Variants in CEBPZ observed in about 807,000 individuals in gnomAD.
The protein encoded by CEBPZ is CCAAT/enhancer-binding protein zeta.
A neutral mutation model predicts 104.5 loss-of-function variants in CEBPZ; 78 were observed. The ratio of observed to expected loss-of-function variants is 0.75; its 90% CI spans 0.62 to 0.90. The LOEUF (loss-of-function observed/expected upper bound fraction) is 0.90. Among genes scored for constraint, CEBPZ ranks in the 40% least tolerant of loss-of-function variants. CEBPZ has a pLI of 0.00. For missense variants in CEBPZ, 1,439 were observed against 1,233.5 expected, an observed-to-expected ratio of 1.17 and a Z score of -2.50; for synonymous variants, 470 against 427.0, an observed-to-expected ratio of 1.10 and a Z score of -1.24.
At chr2:37,223,680 A>G (rs1247936499) in intron 2 of CEBPZ, among the ~76,000 whole-genome samples, 2 of 152,210 alleles carry the variant, frequency 1.3e-5, no homozygotes, top group African/African-American at 4.8e-5. Flanking sequence ...TTTCTATATC[A>G]ACAGGGCACA....
rs766793208 is a variant in CEBPZ, at chr2:37,228,376, C to A, written c.817G>T (p.Val273Phe). ...TGCTGTTTGCTGCCCTTCTTTTTAA[C>A]AAGGTTCACAAGAGTTTCTACAAAC... ...LQFVETLVNLVKKKGSKQQCL... is the reference protein window; with the variant it reads ...LQFVETLVNLFKKKGSKQQCL... The change falls in exon 2 of 16, where the codon GTT (valine) becomes TTT (phenylalanine). Residue 273 changes from valine (V) to phenylalanine (F), a missense_variant. Coordinates refer to ENST00000234170, the MANE Select transcript of CEBPZ (RefSeq NM_005760.3). 1 of 1,614,194 alleles carries A rather than the reference C, an allele frequency of 6.2e-7. No individual in the cohort carries two copies. Among genetic ancestry groups the A allele is most frequent in the Non-Finnish European group, 8.5e-7 (1 of 1,180,030 alleles).
rs756155209 is a variant in CEBPZ at position 37,228,484 on chromosome 2, C to T, written c.709G>A (p.Ala237Thr). The T allele has an allele frequency of 6.2e-7, 1 of 1,614,216 alleles. No individual in the cohort carries two copies. The highest frequency in any genetic ancestry group is 8.5e-7 in the Non-Finnish European group (1 of 1,180,040). Residue 237 changes from alanine (A) to threonine (T), a missense_variant, in exon 2 of 16, where the codon GCA becomes ACA. Ala to Thr is a moderately conservative substitution (Grantham distance 58). Coordinates refer to ENST00000234170, the MANE Select transcript of CEBPZ (RefSeq NM_005760.3). ...CCTAGTGTCCCCGATGACACAATTG[C>T]CTTCATCCAGGTAGAAGAGGCTCCC... The part of the protein sequence containing the change: ...QKGASSTWMK[A>T]IVSSGTLGDR...
chr2:37,228,449 C>T lies in CEBPZ; in HGVS notation c.744G>A (p.Met248Ile), dbSNP rs746525531. 5 of 1,614,052 alleles carry T rather than the reference C, an allele frequency of 3.1e-6. No homozygotes were observed. In the African/African-American group the frequency reaches 6.7e-5, roughly 22 times the overall value. The part of the protein sequence containing the change: ...IVSSGTLGDR[M>I]AAMILLIQDD... Reference sequence around the variant, plus strand: ...CCTGAATAAGAAGAATCATGGCTGCCATCCTGTCACCTAGTGTCCCCGATG... The same window carrying T: ...CCTGAATAAGAAGAATCATGGCTGCTATCCTGTCACCTAGTGTCCCCGATG... Residue 248 changes from methionine (M) to isoleucine (I), a missense_variant, in exon 2 of 16, where the codon ATG (methionine) becomes ATA (isoleucine). Transcript: ENST00000234170.
chr2:37,221,389 A>G (rs1252629898), intron 4 of CEBPZ, among the ~76,000 whole-genome samples: 1 of 152,200 alleles, frequency 6.6e-6, no homozygotes, highest in Non-Finnish European at 1.5e-5. Flanking sequence ...AAAGGTGCCC[A>G]TTTTGGGGCC....
At chr2:37,221,641 C>T (rs1297187864) in intron 4 of CEBPZ, among the ~76,000 whole-genome samples, 1 of 152,238 alleles carries the variant, frequency 6.6e-6, no homozygotes, top group Admixed American at 6.5e-5. Flanking sequence ...CTTCATCCTT[C>T]TAAAGGATTA....
intron 6 of CEBPZ, 98 bp from the exon 7 acceptor site, chr2:37,216,516 T>C: frequency 6.0e-6 from 5 of 837,214 alleles, no homozygotes; most frequent in Middle Eastern, 7.1e-4. Flanking sequence ...TTACACTGTA[T>C]TGAAGATACA....
At position 37,227,838 on chromosome 2, in the gene CEBPZ, T is replaced by C. The variant is rs142818973; in HGVS notation, c.1355A>G (p.His452Arg). The change falls in exon 2 of 16, where the codon CAT (histidine) becomes CGT (arginine). Residue 452 changes from histidine (H) to arginine (R), a missense_variant. By Grantham distance (29) the His-to-Arg change is conservative. Transcript: ENST00000234170. ...TTTGTTAGCCAATTCACTTTCTTCA[T>C]GGGACAGAGCCATTTGATTTAAAAA... ...ICFLNQMALS[H>R]EESELANKLI... 2.1e-3 allele frequency: 3,460 copies of C among 1,614,144 alleles called. 9 individuals are homozygous for C. Among genetic ancestry groups the C allele is most frequent in the Non-Finnish European group, 1.7e-3 (2,051 of 1,180,048 alleles).
Position 37,216,170 on chromosome 2 carries a change from GT to G in CEBPZ, c.2349del (p.Lys783AsnfsTer12). 6.2e-7 allele frequency: 1 copy of G among 1,612,974 alleles called. No individual in the cohort carries two copies. ...AGATGACGAATATCCTTAATAAAAT[GT>G]TTTCTTTTCGGCTGCATCACAACAC... ...TDSVVMQPKR[K>X]HFIKDIRHLP... is the part of the protein sequence containing the mutation. On this transcript the variant is annotated frameshift_variant, in exon 8 of 16. Coordinates refer to ENST00000234170, the MANE Select transcript of CEBPZ (RefSeq NM_005760.3). LOFTEE classifies it high-confidence loss of function.
chr2:37,211,974 T>C lies in CEBPZ; in HGVS notation c.2669A>G (p.Asp890Gly), dbSNP rs188301757. The change falls in exon 12 of 16, where the codon GAT becomes GGT. Residue 890 changes from aspartate (D) to glycine (G), a missense_variant. Asp to Gly is a moderately conservative substitution (Grantham distance 94). Coordinates refer to ENST00000234170, the MANE Select transcript of CEBPZ (RefSeq NM_005760.3). Reference sequence around the variant, plus strand: ...GTCATCCAGGTTACCAAGTTCATCATCACTACCTTCTGAATCTTCATCTAA... The same window carrying C: ...GTCATCCAGGTTACCAAGTTCATCACCACTACCTTCTGAATCTTCATCTAA... ...NTLDEDSEGSDDELGNLDDDE... is the reference protein window; with the variant it reads ...NTLDEDSEGSGDELGNLDDDE... The C allele has an allele frequency of 1.2e-6, 2 of 1,613,248 alleles. No homozygotes were observed. Among genetic ancestry groups the C allele is most frequent in the African/African-American group, 1.3e-5 (1 of 74,862 alleles).
rs765409326 is a variant in CEBPZ at position 37,220,483 on chromosome 2, A to C, written c.2066-10T>G. On this transcript the variant is annotated splice_polypyrimidine_tract_variant and intron_variant, in intron 4 of 15. Coordinates refer to ENST00000234170, the MANE Select transcript of CEBPZ (RefSeq NM_005760.3). ...TTTAACTGTTTCCCACCTAGGAATAACAAAAAAAATACGATTTCTCAAATG... is the reference window on the plus strand; with the variant it reads ...TTTAACTGTTTCCCACCTAGGAATACCAAAAAAAATACGATTTCTCAAATG... 22 of 1,475,562 alleles carry C rather than the reference A, an allele frequency of 1.5e-5. No homozygotes were observed. In the South Asian group the frequency reaches 2.7e-4, roughly 18 times the overall value. The allele number at this position is 1,475,562 out of a possible 1,614,324, so 91.4% of individuals were successfully genotyped here. A position where few individuals can be genotyped will look rare whatever the true frequency, so the allele number is the denominator to read the frequency against.
At chr2:37,226,235 C>A (rs1664883955) in intron 2 of CEBPZ, among the ~76,000 whole-genome samples, 1 of 151,976 alleles carries the variant, frequency 6.6e-6, no homozygotes, top group Non-Finnish European at 1.5e-5. Flanking sequence ...AATCTCTCGT[C>A]CCACCTTACG....
At chr2:37,227,287 G>T (rs1195641820) in intron 2 of CEBPZ, among the ~76,000 whole-genome samples, 1 of 152,212 alleles carries the variant, frequency 6.6e-6, no homozygotes, top group Non-Finnish European at 1.5e-5. Flanking sequence ...TGGTAGATAT[G>T]AATGAATCTT....
chr2:37,228,334 C>A lies in CEBPZ; in HGVS notation c.859G>T (p.Asp287Tyr), dbSNP rs749115014. Residue 287 changes from aspartate (D) to tyrosine (Y), a missense_variant, in exon 2 of 16, where the codon GAT becomes TAT. Transcript: ENST00000234170. The stretch of plus-strand genomic sequence containing the variant: ...GTGATAAGCAACTCTTTGAAAGTAT[C>A]CAAGGCCATAAGGCACTGCTGTTTG... ...GSKQQCLMALDTFKELLITDL... is the reference protein window; with the variant it reads ...GSKQQCLMALYTFKELLITDL... The A allele has an allele frequency of 6.2e-7, 1 of 1,614,196 alleles. No individual in the cohort carries two copies. The highest frequency in any genetic ancestry group is 2.2e-5 in the East Asian group (1 of 44,890).
intron 2 of CEBPZ, among the ~76,000 whole-genome samples, chr2:37,226,409 C>T (rs1664889043): frequency 6.6e-6 from 1 of 152,202 alleles, no homozygotes; most frequent in South Asian, 2.1e-4. Flanking sequence ...ACTTAATATA[C>T]ATAGAAAGAT....
At position 37,228,647 on chromosome 2, in the gene CEBPZ, T is replaced by G; in HGVS notation, c.546A>C (p.Lys182Asn). The G allele has an allele frequency of 6.2e-7, 1 of 1,614,194 alleles. No individual in the cohort carries two copies. Among genetic ancestry groups the G allele is most frequent in the Non-Finnish European group, 8.5e-7 (1 of 1,180,034 alleles). Reference protein sequence around the residue: ...RQTLLLRPGGKWYDLEYSNEY... With the variant: ...RQTLLLRPGGNWYDLEYSNEY... ...CATTGCTGTACTCCAGATCATACCATTTGCCTCCAGGCCTAAGTAACAAAG... is the reference window on the plus strand; with the variant it reads ...CATTGCTGTACTCCAGATCATACCAGTTGCCTCCAGGCCTAAGTAACAAAG... Residue 182 changes from lysine to asparagine, a missense_variant, in exon 2 of 16, where the codon AAA (lysine) becomes AAC (asparagine). Lys to Asn is a moderately conservative substitution (Grantham distance 94). Coordinates refer to ENST00000234170, the MANE Select transcript of CEBPZ (RefSeq NM_005760.3).
chr2:37,206,530 G>T (rs1481389348), intron 13 of CEBPZ, among the ~76,000 whole-genome samples: 1 of 152,076 alleles, frequency 6.6e-6, no homozygotes, highest in East Asian at 1.9e-4. Context: ...GCTAATTTTT[G>T]TATTTTTTGT....
At chr2:37,204,044 C>G (rs1558465548) in intron 13 of CEBPZ, 1 of 152,114 alleles carries the variant, frequency 6.6e-6, no homozygotes, top group African/African-American at 2.4e-5. Flanking sequence ...GTTTCTAAAA[C>G]ATTTCATCTT....
chr2:37,215,926 T>C (rs1344257104), intron 8 of CEBPZ, among the ~76,000 whole-genome samples: 4 of 149,720 alleles, frequency 2.7e-5, no homozygotes, highest in Admixed American at 6.7e-5. Flanking sequence ...ATTTTGGATA[T>C]GTTTCAAATT....
Position 37,212,379 on chromosome 2 carries a change from A to G in CEBPZ, c.2559T>C (p.Asp853=), listed in dbSNP as rs373843617. ...EFEELIDTFE[D]DNCFSSGKDD... ...CCTTTCCAGAGCTGAAACAGTTATC[A>G]TCTTCAAATGTGTCTGCCAGACAAT... The change falls in exon 11 of 16, where the codon GAT becomes GAC. Residue 853 remains aspartate, a synonymous_variant. Transcript: ENST00000234170. 2 of 1,613,396 alleles carry G rather than the reference A, an allele frequency of 1.2e-6. No homozygotes were observed. Among genetic ancestry groups the G allele is most frequent in the African/African-American group, 2.7e-5 (2 of 74,922 alleles).
Sources: gnomAD v4.1 joint callset for allele counts (sites outside exome capture counted in the v4.1 genomes callset) on GRCh38, gnomAD v4.1.1 for gene constraint, MANE v1.5 for transcripts, NCBI Gene and HGNC (gene_info 2026-07-23, HGNC 2026-07-21) for gene names.